ZNF438: variants seen among roughly 807,000 people sequenced by gnomAD.
ZNF438 encodes the protein zinc finger protein 438.
In ZNF438, 25 loss-of-function variants were observed where a neutral mutation model predicts 38.0. The ratio of observed to expected loss-of-function variants is 0.66; its 90% confidence interval spans 0.48 to 0.92. ZNF438 has a LOEUF of 0.92. Among genes scored for constraint, ZNF438 ranks in the 40% least tolerant of loss-of-function variants. The probability of loss-of-function intolerance (pLI) is 0.00; values close to 1 mark genes in which losing one functional copy is unlikely to be tolerated. For synonymous variants in ZNF438, 372 were observed against 364.1 expected (o/e 1.02, Z -0.25); for missense variants, 1,007 against 999.6 (o/e 1.01, Z -0.10).
chr10:30,932,046 ACTTC>A lies in ZNF438; in HGVS notation c.-115+9525_-115+9528del, dbSNP rs576813256. Reference sequence around the variant, plus strand: ...TTCCTTGGACACTCTCCCTGGAGTAACTTCCTTCATTATTACCTACAGGCCATTG... The same window carrying A: ...TTCCTTGGACACTCTCCCTGGAGTAACTTCATTATTACCTACAGGCCATTG... On this transcript the variant is annotated intron_variant, in intron 2 of 5. Coordinates refer to ENST00000413025, the Ensembl canonical transcript of ZNF438. Among the ~76,000 whole-genome samples, 199 of 152,240 alleles carry A rather than the reference ACTTC, an allele frequency of 1.3e-3. 1 individual carries two copies. The highest frequency in any genetic ancestry group is 4.5e-3 in the African/African-American group (189 of 41,560).
At chr10:30,948,524 A>C (rs974160845) in intron 1 of ZNF438, among the ~76,000 whole-genome samples, 3 of 152,076 alleles carry the variant, frequency 2.0e-5, no homozygotes, top group Admixed American at 2.0e-4. Context: ...CGAACGTATA[A>C]CTAGAATAAC....
At chr10:30,864,345 C>T (rs2036074530) in intron 4 of ZNF438, among the ~76,000 whole-genome samples, 1 of 152,198 alleles carries the variant, frequency 6.6e-6, no homozygotes. Flanking sequence ...TTCCAGGCCC[C>T]TTGTGCCTCG....
At position 30,918,315 on chromosome 10, in the gene ZNF438, G is replaced by A. The variant is rs572020067; in HGVS notation, c.-114-9300C>T. ...GCTTGCTAATTTTACAAAAAGGCCC[G>A]TGGATTTATGCTAGGGATTATGTTG... On this transcript the variant is annotated intron_variant, in intron 2 of 5. Coordinates refer to ENST00000413025, the Ensembl canonical transcript of ZNF438. Among the ~76,000 whole-genome samples, 16 of 152,204 alleles carry A rather than the reference G, an allele frequency of 1.1e-4. No individual in the cohort carries two copies. In the South Asian group the frequency reaches 1.9e-3, roughly 18 times the overall value.
At chr10:30,956,675 T>C (rs1169821009) in intron 1 of ZNF438, among the ~76,000 whole-genome samples, 1 of 152,214 alleles carries the variant, frequency 6.6e-6, no homozygotes, top group Non-Finnish European at 1.5e-5. Flanking sequence ...CTTAATATAA[T>C]GACCTCTGGG....
intron 1 of ZNF438, among the ~76,000 whole-genome samples, chr10:30,981,551 T>C (rs868658730): frequency 3.3e-5 from 5 of 152,162 alleles, no homozygotes; most frequent in Non-Finnish European, 5.9e-5. Context: ...ATGAAGATTA[T>C]ATGAGATAAT....
intron 2 of ZNF438, among the ~76,000 whole-genome samples, chr10:30,934,416 AGG>A (rs1320585161): frequency 2.0e-5 from 3 of 152,230 alleles, no homozygotes; most frequent in Admixed American, 1.3e-4. Context: ...AACATTTCTC[AGG>A]CTCACTGTCA....
At chr10:31,003,125 A>G (rs2054815579) in intron 1 of ZNF438, among the ~76,000 whole-genome samples, 1 of 152,098 alleles carries the variant, frequency 6.6e-6, no homozygotes, top group South Asian at 2.1e-4. Flanking sequence ...ACAATGAGAG[A>G]GCACACTATT....
chr10:31,014,643 A>C (rs2056030037), intron 1 of ZNF438, among the ~76,000 whole-genome samples: 1 of 152,162 alleles, frequency 6.6e-6, no homozygotes, highest in Admixed American at 6.5e-5. Flanking sequence ...TTTACCATTA[A>C]TCAGCTGCGT....
At chr10:30,970,856 T>A (rs1012806448) in intron 1 of ZNF438, among the ~76,000 whole-genome samples, 2 of 152,182 alleles carry the variant, frequency 1.3e-5, no homozygotes, top group African/African-American at 2.4e-5. Flanking sequence ...AGTGAGGAAA[T>A]GTCTGGGGTT....
At chr10:30,971,947 C>T (rs1246311501) in intron 1 of ZNF438, among the ~76,000 whole-genome samples, 1 of 149,662 alleles carries the variant, frequency 6.7e-6, no homozygotes, top group Non-Finnish European at 1.5e-5. Context: ...TAATAAACTA[C>T]ACACAGAAAG....
intron 4 of ZNF438, among the ~76,000 whole-genome samples, chr10:30,858,879 T>C (rs1261208032): frequency 6.6e-6 from 1 of 152,184 alleles, no homozygotes; most frequent in Non-Finnish European, 1.5e-5. Flanking sequence ...CCTTTGAGAT[T>C]TGTCTTGTCA....
At chr10:30,929,404 A>G (rs574878815) in intron 2 of ZNF438, among the ~76,000 whole-genome samples, 10 of 152,004 alleles carry the variant, frequency 6.6e-5, no homozygotes, top group African/African-American at 2.4e-4. Flanking sequence ...TACAGCTCTT[A>G]AGGCGGTGTG....
At chr10:30,853,954 C>CA (rs1309446421) in intron 4 of ZNF438, among the ~76,000 whole-genome samples, 1 of 151,858 alleles carries the variant, frequency 6.6e-6, no homozygotes, top group Non-Finnish European at 1.5e-5. Context: ...GAGATCATGC[C>CA]ACTGTACTCC....
At chr10:30,849,343 C>T in exon 5 of ZNF438, 2 of 1,614,240 alleles carry the variant, frequency 1.2e-6, no homozygotes, top group South Asian at 2.2e-5. Flanking sequence ...CACAGGCACT[C>T]TGCTGTGACA....
At chr10:30,909,432 T>A (rs2042877161) in intron 2 of ZNF438, among the ~76,000 whole-genome samples, 1 of 152,158 alleles carries the variant, frequency 6.6e-6, no homozygotes, top group Non-Finnish European at 1.5e-5. Context: ...ACTTTCTAAC[T>A]GAATAAAACA....
chr10:30,942,272 G>C (rs1045299084), intron 1 of ZNF438, among the ~76,000 whole-genome samples: 1 of 152,194 alleles, frequency 6.6e-6, no homozygotes, highest in Non-Finnish European at 1.5e-5. Context: ...GCTAGATTCA[G>C]TACATGGGGC....
At chr10:30,919,393 A>T (rs1196551697) in intron 2 of ZNF438, 1 of 151,586 alleles carries the variant, frequency 6.6e-6, no homozygotes, top group Non-Finnish European at 1.5e-5. Context: ...TCTTTGTCAA[A>T]TTTTTCCACT....
intron 3 of ZNF438, among the ~76,000 whole-genome samples, chr10:30,892,243 T>C (rs960730213): frequency 1.3e-5 from 2 of 152,146 alleles, no homozygotes; most frequent in African/African-American, 4.8e-5. Flanking sequence ...TATACTGTAT[T>C]TTTTCCTATA....
chr10:31,012,254 G>A (rs1426112125), intron 1 of ZNF438, among the ~76,000 whole-genome samples: 1 of 151,548 alleles, frequency 6.6e-6, no homozygotes, highest in African/African-American at 2.4e-5. Context: ...CTCCCAAGTA[G>A]CTGGGACTAC....
Sources: gnomAD v4.1 joint callset for allele counts (sites outside exome capture counted in the v4.1 genomes callset) on GRCh38, gnomAD v4.1.1 for gene constraint, MANE v1.5 for transcripts, NCBI Gene and HGNC (gene_info 2026-07-23, HGNC 2026-07-21) for gene names.